Variants in NR2F1-AS1 observed in about 807,000 individuals in gnomAD.
NR2F1-AS1 encodes the protein NR2F1 regulatory antisense RNA 1.
chr5:93,412,014 A>C (rs2149838878), intron 4 of NR2F1-AS1, among the ~76,000 whole-genome samples: 2 of 152,312 alleles, frequency 1.3e-5, no homozygotes, highest in East Asian at 3.9e-4. Flanking sequence ...AGGTGGGTCA[A>C]AGACAGAGGC....
intron 4 of NR2F1-AS1, among the ~76,000 whole-genome samples, chr5:93,528,901 G>A (rs1033643444): frequency 6.6e-6 from 1 of 151,832 alleles, no homozygotes; most frequent in Non-Finnish European, 1.5e-5. Flanking sequence ...TTTCTCGGGG[G>A]TGGGGGGCTA....
intron 4 of NR2F1-AS1, among the ~76,000 whole-genome samples, chr5:93,459,879 A>C (rs1286378870): frequency 6.6e-6 from 1 of 152,176 alleles, no homozygotes; most frequent in African/African-American, 2.4e-5. Context: ...GAACTGGAGT[A>C]AGGAAACCCT....
intron 4 of NR2F1-AS1, among the ~76,000 whole-genome samples, chr5:93,482,924 A>G (rs1750632843): frequency 6.6e-6 from 1 of 152,202 alleles, no homozygotes; most frequent in Admixed American, 6.5e-5. Context: ...TGGGCAGGGC[A>G]TCTCTGAAAG....
At chr5:93,465,257 T>A (rs1191979096) in intron 4 of NR2F1-AS1, among the ~76,000 whole-genome samples, 1 of 152,196 alleles carries the variant, frequency 6.6e-6, no homozygotes, top group Non-Finnish European at 1.5e-5. Context: ...CATTAAAAAG[T>A]GGGCAAAGGA....
chr5:93,425,086 A>T (rs1219603888), intron 4 of NR2F1-AS1, among the ~76,000 whole-genome samples: 1 of 152,226 alleles, frequency 6.6e-6, no homozygotes, highest in Non-Finnish European at 1.5e-5. Context: ...TTACTAGCTA[A>T]AACAACATTT....
chr5:93,554,938 A>G (rs1305618801), exon 3 of NR2F1-AS1: 1 of 152,194 alleles, frequency 6.6e-6, no homozygotes, highest in Non-Finnish European at 1.5e-5. Flanking sequence ...AAATAAGGAA[A>G]TTTTAATAGA....
intron 4 of NR2F1-AS1, chr5:93,544,018 T>A (rs1178198527): frequency 6.6e-6 from 1 of 152,160 alleles, no homozygotes; most frequent in African/African-American, 2.4e-5. Flanking sequence ...CAATGGTCAT[T>A]AGATTCCTGC....
rs566908465 is a variant in NR2F1-AS1, at chr5:93,446,113, T to A, written n.639-50571A>T. Among the ~76,000 whole-genome samples, 12 of 152,248 alleles carry A rather than the reference T, an allele frequency of 7.9e-5. No individual in the cohort carries two copies. The East Asian group carries it at 1.7e-3, about 22-fold the overall frequency. The stretch of plus-strand genomic sequence containing the variant: ...AATATCATACTGAATGGGAAAAAAC[T>A]GGAAGCATTCCCTTGGAAAACTGGC... On this transcript the variant is annotated intron_variant and non_coding_transcript_variant, in intron 4 of 5. Transcript: ENST00000660523.
intron 2 of NR2F1-AS1, among the ~76,000 whole-genome samples, chr5:93,561,025 G>A (rs977537847): frequency 1.3e-5 from 2 of 152,238 alleles, no homozygotes; most frequent in African/African-American, 4.8e-5. Flanking sequence ...TGTAATCCCA[G>A]CACTTTGGGA....
At chr5:93,422,775 T>C (rs1324844787) in intron 4 of NR2F1-AS1, among the ~76,000 whole-genome samples, 2 of 152,154 alleles carry the variant, frequency 1.3e-5, no homozygotes, top group African/African-American at 2.4e-5. Context: ...AGTTGCACAT[T>C]GGTTAATCTA....
chr5:93,546,971 T>C (rs1752101750), intron 4 of NR2F1-AS1, among the ~76,000 whole-genome samples: 1 of 152,272 alleles, frequency 6.6e-6, no homozygotes, highest in South Asian at 2.1e-4. Context: ...TTGAAGGCCT[T>C]AAGAGCAAAA....
chr5:93,421,634 A>G (rs148794104), intron 4 of NR2F1-AS1, among the ~76,000 whole-genome samples: 76 of 152,292 alleles, frequency 5.0e-4, no homozygotes, highest in African/African-American at 1.8e-3. Context: ...AGGATCCATG[A>G]TGGTGATTAT....
intron 4 of NR2F1-AS1, among the ~76,000 whole-genome samples, chr5:93,453,107 G>A (rs1426771949): frequency 6.6e-6 from 1 of 152,094 alleles, no homozygotes; most frequent in Non-Finnish European, 1.5e-5. Context: ...ACATGAACAT[G>A]TTGAAGAAAT....
At chr5:93,532,241 AT>A (rs1393453921) in intron 4 of NR2F1-AS1, among the ~76,000 whole-genome samples, 7 of 152,156 alleles carry the variant, frequency 4.6e-5, no homozygotes, top group African/African-American at 1.7e-4. Flanking sequence ...TTTGCAACTA[AT>A]TTTGCAAGAA....
At chr5:93,538,935 T>G (rs936920191) in intron 4 of NR2F1-AS1, among the ~76,000 whole-genome samples, 1 of 152,058 alleles carries the variant, frequency 6.6e-6, no homozygotes, top group African/African-American at 2.4e-5. Context: ...TTATAGACAA[T>G]GTTAAGGGAG....
At chr5:93,537,409 A>C (rs1751861626) in intron 4 of NR2F1-AS1, among the ~76,000 whole-genome samples, 1 of 151,906 alleles carries the variant, frequency 6.6e-6, no homozygotes, top group Admixed American at 6.6e-5. Flanking sequence ...AAATATTTGC[A>C]TATTGTACCT....
upstream of NR2F1-AS1, chr5:93,585,369 A>C: frequency 6.2e-7 from 1 of 1,614,086 alleles, no homozygotes; most frequent in Non-Finnish European, 8.5e-7. Flanking sequence ...GAGCGTCCGC[A>C]GGAACTTAAC....
chr5:93,437,952 T>A (rs2149850006), intron 4 of NR2F1-AS1, among the ~76,000 whole-genome samples: 1 of 152,358 alleles, frequency 6.6e-6, no homozygotes, highest in South Asian at 2.1e-4. Flanking sequence ...GAAAGGTAAT[T>A]GTCCATGGTG....
intron 4 of NR2F1-AS1, among the ~76,000 whole-genome samples, chr5:93,548,914 T>C (rs1223019858): frequency 6.6e-6 from 1 of 152,074 alleles, no homozygotes; most frequent in Non-Finnish European, 1.5e-5. Context: ...AAATTGATGC[T>C]TTGTCTCTCC....
Sources: gnomAD v4.1 joint callset for allele counts (sites outside exome capture counted in the v4.1 genomes callset) on GRCh38, gnomAD v4.1.1 for gene constraint, MANE v1.5 for transcripts, NCBI Gene and HGNC (gene_info 2026-07-23, HGNC 2026-07-21) for gene names.